GTF2I: variants seen among roughly 807,000 people sequenced by gnomAD.
GTF2I encodes general transcription factor IIi, also known as general transcription factor II-I.
Under a neutral mutation model 67.6 loss-of-function variants are expected in GTF2I, and 12 were observed. The observed-to-expected ratio is 0.18, with a 90% confidence interval of 0.11 to 0.29. GTF2I has a LOEUF of 0.29. Among genes scored for constraint, GTF2I ranks in the 10% least tolerant of loss-of-function variants. The pLI is 1.00. For missense variants in GTF2I, 271 were observed against 580.1 expected (o/e 0.47, Z 5.47); for synonymous variants, 149 against 197.0 (o/e 0.76, Z 2.04).
At chr7:74,660,916 C>T (rs1037208775) in intron 1 of GTF2I, among the ~76,000 whole-genome samples, 4 of 152,218 alleles carry the variant, frequency 2.6e-5, no homozygotes, top group African/African-American at 4.8e-5. Context: ...GCATCGTCCT[C>T]GTGCCTTGCC....
chr7:74,687,638 G>A (rs1787854598), intron 1 of GTF2I: 1 of 692,202 alleles, frequency 1.4e-6, no homozygotes, highest in African/African-American at 1.9e-5. Context: ...CTAGATCACA[G>A]TCTTTAATAA....
At chr7:74,685,631 G>A (rs923099697) in intron 1 of GTF2I, among the ~76,000 whole-genome samples, 1 of 152,172 alleles carries the variant, frequency 6.6e-6, no homozygotes, top group Non-Finnish European at 1.5e-5. Context: ...GTTGGGCGTG[G>A]TGGCGGGCAC....
chr7:74,676,234 A>C (rs139566736), intron 1 of GTF2I, among the ~76,000 whole-genome samples: 53 of 152,306 alleles, frequency 3.5e-4, no homozygotes, highest in African/African-American at 1.2e-3. Flanking sequence ...TCAAGATATG[A>C]AGTTAATTTC....
At chr7:74,746,831 G>GTCA (rs1554409193) in intron 23 of GTF2I, among the ~76,000 whole-genome samples, 1 of 88,302 alleles carries the variant, frequency 1.1e-5, no homozygotes, top group East Asian at 4.4e-4. Flanking sequence ...TGGCTCTCTT[G>GTCA]CCCAGGGTGG....
chr7:74,673,602 C>T (rs1805642458), intron 1 of GTF2I, among the ~76,000 whole-genome samples: 1 of 151,368 alleles, frequency 6.6e-6, no homozygotes. Flanking sequence ...TGGTCTCGAA[C>T]TCCTGACCTC....
chr7:74,716,540 G>T (rs1007289739), intron 10 of GTF2I: 5 of 191,154 alleles, frequency 2.6e-5, no homozygotes, highest in Admixed American at 1.1e-4. Flanking sequence ...TGATCTGTTT[G>T]TGTATGTGTG....
At chr7:74,723,185 G>A (rs1257029157) in intron 12 of GTF2I, among the ~76,000 whole-genome samples, 2 of 143,544 alleles carry the variant, frequency 1.4e-5, no homozygotes, top group Non-Finnish European at 3.0e-5. Flanking sequence ...GTGCAGTGGC[G>A]CAATCTCGGC....
At chr7:74,711,772 A>C (rs1478555480) in intron 9 of GTF2I, among the ~76,000 whole-genome samples, 1 of 152,160 alleles carries the variant, frequency 6.6e-6, no homozygotes, top group Non-Finnish European at 1.5e-5. Flanking sequence ...TGCACGTATC[A>C]GTAGTAGATT....
chr7:74,662,211 T>C (rs1804562025), intron 1 of GTF2I, among the ~76,000 whole-genome samples: 1 of 21,884 alleles, frequency 4.6e-5, no homozygotes, highest in African/African-American at 7.6e-5. Context: ...TTTCTTTTTT[T>C]TTTTTTTTTT....
intron 12 of GTF2I, among the ~76,000 whole-genome samples, chr7:74,724,050 C>T (rs1164635925): frequency 3.3e-5 from 5 of 152,128 alleles, no homozygotes; most frequent in African/African-American, 1.2e-4. Flanking sequence ...TTGTTTAATT[C>T]TTGTATTTTC....
chr7:74,700,682 C>T, intron 6 of GTF2I, 48 bp downstream of exon 6: 1 of 1,561,746 alleles, frequency 6.4e-7, no homozygotes. Flanking sequence ...CTCCGTTTTG[C>T]TAGATTTTCA....
At chr7:74,665,889 A>C (rs1554388322) in intron 1 of GTF2I, among the ~76,000 whole-genome samples, 1 of 152,200 alleles carries the variant, frequency 6.6e-6, no homozygotes, top group Non-Finnish European at 1.5e-5. Context: ...GCTGGAGTGC[A>C]GTGGCGGGAT....
chr7:74,708,453 A>G (rs1469409167), intron 8 of GTF2I, among the ~76,000 whole-genome samples: 5 of 152,030 alleles, frequency 3.3e-5, no homozygotes, highest in African/African-American at 9.7e-5. Flanking sequence ...GAGGTGGGGT[A>G]GTGTTTGGCT....
chr7:74,708,971 A>G (rs1321486992), intron 8 of GTF2I, among the ~76,000 whole-genome samples: 1 of 152,204 alleles, frequency 6.6e-6, no homozygotes, highest in East Asian at 1.9e-4. Flanking sequence ...CATCGCTGGG[A>G]GACTGACTGA....
At chr7:74,725,130 T>C (rs1383697685) in intron 12 of GTF2I, among the ~76,000 whole-genome samples, 2 of 152,144 alleles carry the variant, frequency 1.3e-5, no homozygotes, top group Admixed American at 1.3e-4. Context: ...TTAGTTGATG[T>C]TTTATGCTTC....
rs149298594 is a variant in GTF2I at position 74,723,243 on chromosome 7, C to G, written c.943+4302C>G. Among the ~76,000 whole-genome samples, 6 of 151,398 alleles carry G rather than the reference C, an allele frequency of 4.0e-5. No homozygotes were observed. The East Asian group carries it at 1.2e-3, about 29-fold the overall frequency. ...GGTTTAAGCAGTTCTCTGCCTCAGCCTTCCTCCGAGTAGCTGGGATTATAG... is the reference window on the plus strand; with the variant it reads ...GGTTTAAGCAGTTCTCTGCCTCAGCGTTCCTCCGAGTAGCTGGGATTATAG... On this transcript the variant is annotated intron_variant, in intron 12 of 34. Transcript: ENST00000573035.
At chr7:74,721,156 C>T (rs1460367987) in intron 12 of GTF2I, among the ~76,000 whole-genome samples, 3 of 152,362 alleles carry the variant, frequency 2.0e-5, no homozygotes, top group African/African-American at 7.2e-5. Flanking sequence ...ATTCTCCTGC[C>T]TCAGCCTCCT....
intron 12 of GTF2I, among the ~76,000 whole-genome samples, chr7:74,725,457 CA>C (rs1225609103): frequency 2.1e-4 from 32 of 151,976 alleles, no homozygotes; most frequent in African/African-American, 7.0e-4. Flanking sequence ...GAGGCCAAGG[CA>C]GGAGGATCAC....
chr7:74,705,796 T>C (rs1790577379), intron 7 of GTF2I, among the ~76,000 whole-genome samples: 1 of 152,082 alleles, frequency 6.6e-6, no homozygotes, highest in Non-Finnish European at 1.5e-5. Flanking sequence ...ACTCCTGACC[T>C]CGGGTGATCC....
Sources: allele counts gnomAD v4.1 joint callset (sites outside exome capture counted in the v4.1 genomes callset), GRCh38; gene constraint gnomAD v4.1.1; transcripts MANE v1.5; gene names NCBI Gene and HGNC (gene_info 2026-07-23, HGNC 2026-07-21).